KCNH8: variants seen among roughly 807,000 people sequenced by gnomAD.
KCNH8 encodes potassium voltage-gated channel subfamily H member 8, also known as voltage-gated delayed rectifier potassium channel KCNH8.
KCNH8 carries 70 observed loss-of-function variants against 103.6 expected under a neutral mutation model. That is an observed-to-expected ratio of 0.68 (90% CI 0.56 to 0.82). The LOEUF (loss-of-function observed/expected upper bound fraction) is 0.82. Among genes scored for constraint, KCNH8 ranks in the 40% least tolerant of loss-of-function variants. KCNH8 has a pLI of 0.00. For missense variants in KCNH8, 1,217 were observed against 1,329.9 expected, an observed-to-expected ratio of 0.92 and a Z score of 1.32; for synonymous variants, 498 against 489.4, an observed-to-expected ratio of 1.02 and a Z score of -0.23.
intron 1 of KCNH8, among the ~76,000 whole-genome samples, chr3:19,192,399 T>A (rs2063561877): frequency 6.6e-6 from 1 of 151,700 alleles, no homozygotes; most frequent in African/African-American, 2.4e-5. Context: ...TTTATTTTTC[T>A]CTTGACTGCT....
At chr3:19,226,336 T>A (rs2063931148) in intron 1 of KCNH8, among the ~76,000 whole-genome samples, 2 of 152,206 alleles carry the variant, frequency 1.3e-5, no homozygotes, top group Admixed American at 6.5e-5. Flanking sequence ...CTGAGCCCTA[T>A]GAAAGGTAGT....
chr3:19,331,285 A>ATTTATTTATTG (rs1336581702), intron 3 of KCNH8, among the ~76,000 whole-genome samples: 1 of 139,784 alleles, frequency 7.2e-6, no homozygotes, highest in African/African-American at 2.7e-5. Context: ...TTATTTATTT[A>ATTTATTTATTG]TTGTTGTTAT....
intron 3 of KCNH8, among the ~76,000 whole-genome samples, chr3:19,290,061 G>A (rs1347541702): frequency 6.6e-6 from 1 of 152,126 alleles, no homozygotes; most frequent in Non-Finnish European, 1.5e-5. Flanking sequence ...TGTTATTGGT[G>A]TATAAGAATG....
chr3:19,259,778 T>C (rs896529553), intron 2 of KCNH8, among the ~76,000 whole-genome samples: 1 of 44,884 alleles, frequency 2.2e-5, no homozygotes, highest in African/African-American at 9.0e-5. Context: ...CATATATGTA[T>C]GTGTGTTTAC....
Position 19,369,005 on chromosome 3 carries a change from ATAG to A in KCNH8, c.811+21043_811+21045del, listed in dbSNP as rs201473104. Reference sequence around the variant, plus strand: ...ATTTGTAAGACTGACCTTTCCTACTATAGTATAATTAAGAGCCAAATTGCATGA... The same window carrying A: ...ATTTGTAAGACTGACCTTTCCTACTATATAATTAAGAGCCAAATTGCATGA... On this transcript the variant is annotated intron_variant, in intron 5 of 15. Transcript: ENST00000328405. 3.5e-3 allele frequency among the ~76,000 whole-genome samples: 530 copies of A among 152,108 alleles called. 9 individuals carry two copies. Among genetic ancestry groups the A allele is most frequent in the Admixed American group, 0.029 (436 of 15,252 alleles).
chr3:19,513,463 G>A, intron 13 of KCNH8, 138 bp downstream of exon 13: 2 of 1,265,838 alleles, frequency 1.6e-6, no homozygotes, highest in East Asian at 2.5e-5. Flanking sequence ...GAGTTTTGTG[G>A]GCAATTTTTT....
chr3:19,316,150 G>T (rs761413523), intron 3 of KCNH8, among the ~76,000 whole-genome samples: 2 of 151,876 alleles, frequency 1.3e-5, no homozygotes, highest in Non-Finnish European at 2.9e-5. Flanking sequence ...TTTTAAGTTC[G>T]TGTAAAATTG....
intron 1 of KCNH8, among the ~76,000 whole-genome samples, chr3:19,172,516 C>G (rs769420756): frequency 3.9e-5 from 6 of 152,312 alleles, no homozygotes; most frequent in Non-Finnish European, 7.3e-5. Context: ...CAGGAGCCAT[C>G]ATTACCAGCA....
chr3:19,505,493 A>G lies in KCNH8; in HGVS notation c.2041-4870A>G, dbSNP rs571104291. Among the ~76,000 whole-genome samples, 4 of 152,214 alleles carry G rather than the reference A, an allele frequency of 2.6e-5. No homozygotes were observed. The South Asian group carries it at 8.3e-4, about 32-fold the overall frequency. On this transcript the variant is annotated intron_variant, in intron 11 of 15. Transcript: ENST00000328405. ...AAAAGAATGTTGATATAGGCCCACA[A>G]TTTCTCCTGGCTTGTCGAGTTTCTA...
intron 1 of KCNH8, among the ~76,000 whole-genome samples, chr3:19,188,210 G>C (rs1270342383): frequency 1.3e-5 from 2 of 152,062 alleles, no homozygotes; most frequent in Non-Finnish European, 2.9e-5. Flanking sequence ...GTGGGCTTTA[G>C]ATGATGCTTT....
intron 11 of KCNH8, among the ~76,000 whole-genome samples, chr3:19,485,818 A>C (rs2068194667): frequency 6.6e-6 from 1 of 152,086 alleles, no homozygotes; most frequent in African/African-American, 2.4e-5. Context: ...CATGACTGCC[A>C]CCTTTTGAGG....
intron 6 of KCNH8, among the ~76,000 whole-genome samples, chr3:19,393,790 C>T (rs2066473158): frequency 6.6e-6 from 1 of 152,072 alleles, no homozygotes; most frequent in Non-Finnish European, 1.5e-5. Flanking sequence ...TCAAGTTCTT[C>T]AAGCGCCCTT....
intron 1 of KCNH8, among the ~76,000 whole-genome samples, chr3:19,238,364 A>C (rs2064091660): frequency 6.6e-6 from 1 of 152,192 alleles, no homozygotes; most frequent in South Asian, 2.1e-4. Context: ...AGATATATGA[A>C]ATGGTATAAT....
At chr3:19,308,047 T>C (rs747566656) in intron 3 of KCNH8, among the ~76,000 whole-genome samples, 1 of 151,888 alleles carries the variant, frequency 6.6e-6, no homozygotes, top group Non-Finnish European at 1.5e-5. Flanking sequence ...AAAGACGACA[T>C]TGAATGTTCC....
At chr3:19,404,535 G>A (rs2066662786) in intron 7 of KCNH8, among the ~76,000 whole-genome samples, 1 of 151,902 alleles carries the variant, frequency 6.6e-6, no homozygotes, top group Admixed American at 6.6e-5. Context: ...TTCCTGAGTT[G>A]TGTAGTTGTT....
chr3:19,361,037 A>G (rs2065940372), intron 5 of KCNH8, among the ~76,000 whole-genome samples: 1 of 152,088 alleles, frequency 6.6e-6, no homozygotes, highest in African/African-American at 2.4e-5. Context: ...GTCTATGAAA[A>G]TAGAAAAAAT....
intron 7 of KCNH8, among the ~76,000 whole-genome samples, chr3:19,411,357 A>G (rs775005435): frequency 5.3e-5 from 8 of 152,028 alleles, no homozygotes; most frequent in Admixed American, 2.0e-4. Flanking sequence ...GCATCAAAAG[A>G]ACACATCTTG....
At chr3:19,387,941 T>C (rs1398378561) in intron 5 of KCNH8, among the ~76,000 whole-genome samples, 1 of 152,114 alleles carries the variant, frequency 6.6e-6, no homozygotes, top group Non-Finnish European at 1.5e-5. Context: ...CTGTTGTTTT[T>C]TTTTTTCAGA....
chr3:19,500,455 C>G (rs1395563841), intron 11 of KCNH8, among the ~76,000 whole-genome samples: 1 of 151,466 alleles, frequency 6.6e-6, no homozygotes, highest in Admixed American at 6.6e-5. Context: ...ATCTACAGAA[C>G]TCTCCACCCC....
Sources: gnomAD v4.1 joint callset for allele counts (sites outside exome capture counted in the v4.1 genomes callset) on GRCh38, gnomAD v4.1.1 for gene constraint, MANE v1.5 for transcripts, NCBI Gene and HGNC (gene_info 2026-07-23, HGNC 2026-07-21) for gene names.